Variants in PAFAH1B1 observed in about 807,000 individuals in gnomAD.
The protein encoded by PAFAH1B1 is platelet activating factor acetylhydrolase 1b regulatory subunit 1.
Under a neutral mutation model 57.5 loss-of-function variants are expected in PAFAH1B1, and 2 were observed. The observed-to-expected ratio is 0.03, with a 90% CI of 0.01 to 0.11. PAFAH1B1 has a LOEUF of 0.11. Among genes scored for constraint, PAFAH1B1 ranks in the 10% least tolerant of loss-of-function variants. The pLI, the probability that PAFAH1B1 is intolerant of heterozygous loss-of-function variation, is 1.00. For missense variants in PAFAH1B1, 257 were observed against 512.0 expected (o/e 0.50, Z 4.81); for synonymous variants, 152 against 169.6 (o/e 0.90, Z 0.81).
At chr17:2,619,385 T>C (rs1319640611) in intron 1 of PAFAH1B1, among the ~76,000 whole-genome samples, 1 of 152,130 alleles carries the variant, frequency 6.6e-6, no homozygotes, top group Non-Finnish European at 1.5e-5. Context: ...TGTGCCACCA[T>C]GCCTGGCTAA....
intron 1 of PAFAH1B1, among the ~76,000 whole-genome samples, chr17:2,609,740 G>A (rs1446985938): frequency 1.3e-5 from 2 of 151,950 alleles, no homozygotes; most frequent in African/African-American, 4.8e-5. Flanking sequence ...TCGAACTCCT[G>A]ACCTCGTGAT....
chr17:2,682,806 T>A lies in PAFAH1B1; in HGVS notation c.*1004T>A, dbSNP rs1341866087. 6.5e-6 allele frequency: 1 copy of A among 152,694 alleles called. No individual in the cohort carries two copies. Among genetic ancestry groups the A allele is most frequent in the Non-Finnish European group, 1.5e-5 (1 of 68,046 alleles). The allele number at this position is 152,694 out of a possible 1,614,324, so 9.5% of individuals were successfully genotyped here. A position where few individuals can be genotyped will look rare whatever the true frequency, so the allele number is the denominator to read the frequency against. ...TTTTCAACATGAATCTGATATTGAT[T>A]TAAACTGTGTTTCACTTACAAGTTT... is the stretch of plus-strand genomic sequence containing the variant. On this transcript the variant is annotated 3_prime_UTR_variant, in exon 11 of 11. Coordinates refer to ENST00000397195, the MANE Select transcript of PAFAH1B1 (RefSeq NM_000430.4).
chr17:2,655,504 T>G (rs945485963), intron 2 of PAFAH1B1, among the ~76,000 whole-genome samples: 5 of 151,996 alleles, frequency 3.3e-5, no homozygotes, highest in Non-Finnish European at 7.4e-5. Flanking sequence ...AGAAAACATG[T>G]CTCCACTAAA....
At chr17:2,625,281 TTTTG>T (rs1186368289) in intron 1 of PAFAH1B1, among the ~76,000 whole-genome samples, 3 of 152,230 alleles carry the variant, frequency 2.0e-5, no homozygotes, top group African/African-American at 7.2e-5. Context: ...ACTCTTTGAA[TTTTG>T]TTTGTCATAT....
chr17:2,663,573 TAA>T (rs2069050184), intron 2 of PAFAH1B1, among the ~76,000 whole-genome samples: 2 of 152,166 alleles, frequency 1.3e-5, no homozygotes, highest in African/African-American at 4.8e-5. Context: ...AGTCTTTACT[TAA>T]CTTATTACTT....
At chr17:2,609,490 GA>G (rs1341084256) in intron 1 of PAFAH1B1, 1 of 152,132 alleles carries the variant, frequency 6.6e-6, no homozygotes, top group African/African-American at 2.4e-5. Flanking sequence ...AAGAAAAGTA[GA>G]AAAGAGCATA....
intron 1 of PAFAH1B1, among the ~76,000 whole-genome samples, chr17:2,637,248 T>A (rs2068636531): frequency 1.3e-5 from 2 of 152,148 alleles, no homozygotes; most frequent in Admixed American, 1.3e-4. Context: ...CAATCAAATT[T>A]TATATATACC....
At chr17:2,597,162 G>C (rs2068092119) in intron 1 of PAFAH1B1, among the ~76,000 whole-genome samples, 2 of 152,164 alleles carry the variant, frequency 1.3e-5, no homozygotes, top group South Asian at 4.1e-4. Flanking sequence ...TTAGTTCCAA[G>C]TGTATGTAGT....
chr17:2,637,344 T>G (rs925592299), intron 1 of PAFAH1B1, among the ~76,000 whole-genome samples: 2 of 152,150 alleles, frequency 1.3e-5, no homozygotes, highest in African/African-American at 4.8e-5. Context: ...TCCAGCACTT[T>G]GGGAGACTGA....
chr17:2,672,285 CAAAAAAAAA>C lies in PAFAH1B1; in HGVS notation c.569-351_569-343del, dbSNP rs35332619. Reference sequence around the variant, plus strand: ...GGTAACAGAGCAAGTCCTTGCCTCACAAAAAAAAAAAAAAAAAAAAAAAAAAATGTTTCC... The same window carrying C: ...GGTAACAGAGCAAGTCCTTGCCTCACAAAAAAAAAAAAAAAAAATGTTTCC... On this transcript the variant is annotated intron_variant, in intron 6 of 10. Coordinates refer to ENST00000397195, the MANE Select transcript of PAFAH1B1 (RefSeq NM_000430.4). Among the ~76,000 whole-genome samples the C allele has an allele frequency of 2.0e-3, 142 of 69,586 alleles. 1 individual carries two copies. Among genetic ancestry groups the C allele is most frequent in the Non-Finnish European group, 2.3e-3 (96 of 42,204 alleles). 45.7% of individuals were successfully genotyped at this position (69,586 alleles called of 152,430 possible). A position where few individuals can be genotyped will look rare whatever the true frequency, so the allele number is the denominator to read the frequency against.
chr17:2,630,809 A>T (rs770310038), intron 1 of PAFAH1B1, among the ~76,000 whole-genome samples: 4 of 152,116 alleles, frequency 2.6e-5, no homozygotes, highest in African/African-American at 9.7e-5. Flanking sequence ...ATATTTTCTT[A>T]TTCTTTTTTC....
At position 2,683,617 on chromosome 17, in the gene PAFAH1B1, G is replaced by A. The variant is rs971639434; in HGVS notation, c.*1815G>A. Reference sequence around the variant, plus strand: ...CTGAGAGATGTCTCTGGAAGGGAAAGTTTTGAGAACTAATGGCTATTTTTG... The same window carrying A: ...CTGAGAGATGTCTCTGGAAGGGAAAATTTTGAGAACTAATGGCTATTTTTG... On this transcript the variant is annotated 3_prime_UTR_variant, in exon 11 of 11. Coordinates refer to ENST00000397195, the MANE Select transcript of PAFAH1B1 (RefSeq NM_000430.4). The A allele has an allele frequency of 1.3e-5, 2 of 152,464 alleles. No individual in the cohort carries two copies. Among genetic ancestry groups the A allele is most frequent in the African/African-American group, 2.4e-5 (1 of 41,440 alleles). The allele number at this position is 152,464 out of a possible 1,614,324, so 9.4% of individuals were successfully genotyped here.
intron 1 of PAFAH1B1, chr17:2,614,016 A>G (rs2068303777): frequency 9.2e-6 from 1 of 108,410 alleles, no homozygotes; most frequent in Non-Finnish European, 1.8e-5. Flanking sequence ...TTGTTTATAT[A>G]TTGGGTTTTT....
intron 1 of PAFAH1B1, among the ~76,000 whole-genome samples, chr17:2,622,576 C>T (rs575249846): frequency 1.3e-5 from 2 of 152,320 alleles, no homozygotes; most frequent in African/African-American, 4.8e-5. Context: ...CAGCTCTGCT[C>T]CTGCGGCTTT....
At chr17:2,631,057 A>G (rs766493545) in intron 1 of PAFAH1B1, among the ~76,000 whole-genome samples, 5 of 152,174 alleles carry the variant, frequency 3.3e-5, no homozygotes, top group Non-Finnish European at 4.4e-5. Context: ...CCTGACCAAC[A>G]TGGTGAAACC....
At chr17:2,675,192 A>G (rs2069244103) in intron 8 of PAFAH1B1, among the ~76,000 whole-genome samples, 1 of 152,050 alleles carries the variant, frequency 6.6e-6, no homozygotes, top group African/African-American at 2.4e-5. Context: ...TAGTAGAAAC[A>G]AGGTTTTGCC....
intron 2 of PAFAH1B1, among the ~76,000 whole-genome samples, chr17:2,648,663 G>C (rs1356900822): frequency 7.0e-6 from 1 of 143,776 alleles, no homozygotes; most frequent in African/African-American, 2.6e-5. Flanking sequence ...GGGCAACAGA[G>C]TGAGACTCTG....
rs769911602 is a variant in PAFAH1B1, at chr17:2,666,982, C to T, written c.193-10C>T. 2 of 1,600,462 alleles carry T rather than the reference C, an allele frequency of 1.2e-6. No individual in the cohort carries two copies. Among genetic ancestry groups the T allele is most frequent in the Admixed American group, 1.7e-5 (1 of 59,962 alleles). Reference sequence around the variant, plus strand: ...ATCTATCTGTACGTAACTACATGTTCTTTTTCAAGGTTATGGAATTAGAAT... The same window carrying T: ...ATCTATCTGTACGTAACTACATGTTTTTTTTCAAGGTTATGGAATTAGAAT... On this transcript the variant is annotated splice_polypyrimidine_tract_variant and intron_variant, in intron 4 of 10. Transcript: ENST00000397195.
chr17:2,612,656 T>C (rs2068280822), intron 1 of PAFAH1B1, among the ~76,000 whole-genome samples: 1 of 152,206 alleles, frequency 6.6e-6, no homozygotes. Flanking sequence ...TCCCCCAAGC[T>C]GGAGTCCAGT....
Sources: gnomAD v4.1 joint callset for allele counts (sites outside exome capture counted in the v4.1 genomes callset) on GRCh38, gnomAD v4.1.1 for gene constraint, MANE v1.5 for transcripts, NCBI Gene and HGNC (gene_info 2026-07-23, HGNC 2026-07-21) for gene names.